The following SCARB2 variants were observed in gnomAD, a reference collection of about 807,000 sequenced individuals.
SCARB2 encodes lysosome membrane protein 2.
A neutral mutation model predicts 58.6 loss-of-function variants in SCARB2; 29 were observed. The ratio of observed to expected loss-of-function variants is 0.49; its 90% confidence interval spans 0.37 to 0.67. The LOEUF (loss-of-function observed/expected upper bound fraction) is 0.67. Ranked by LOEUF, SCARB2 falls within the 30% of genes least tolerant of loss-of-function variation. The pLI is 0.00. For synonymous variants in SCARB2, 195 were observed against 210.1 expected (o/e 0.93, Z 0.62); for missense variants, 488 against 578.5 (o/e 0.84, Z 1.60).
chr4:76,188,259 C>CAA (rs1299971024), intron 2 of SCARB2, among the ~76,000 whole-genome samples: 1 of 152,146 alleles, frequency 6.6e-6, no homozygotes, highest in East Asian at 1.9e-4. Flanking sequence ...TGTCCCTGAG[C>CAA]AAAAGGATCA....
intron 1 of SCARB2, among the ~76,000 whole-genome samples, chr4:76,197,334 C>T (rs991851919): frequency 1.3e-5 from 2 of 152,174 alleles, no homozygotes; most frequent in African/African-American, 4.8e-5. Context: ...GGAGCTAAGG[C>T]CTTAAGATGC....
intron 1 of SCARB2, among the ~76,000 whole-genome samples, chr4:76,199,857 C>G (rs1262253880): frequency 2.0e-5 from 3 of 152,190 alleles, no homozygotes; most frequent in African/African-American, 7.2e-5. Flanking sequence ...CCCCAGTATG[C>G]TAATGGGTCC....
At chr4:76,225,575 T>C (rs1293227758) in intron 1 of SCARB2, among the ~76,000 whole-genome samples, 3 of 152,358 alleles carry the variant, frequency 2.0e-5, no homozygotes, top group Middle Eastern at 3.4e-3. Context: ...ATTTCGATTT[T>C]ACCAGGGGTT....
At chr4:76,163,687 A>G (rs1731945688) in intron 10 of SCARB2, 2 of 412,010 alleles carry the variant, frequency 4.9e-6, no homozygotes, top group Middle Eastern at 7.3e-4. Flanking sequence ...ATTCATCCTT[A>G]AAAATCCAGC....
intron 2 of SCARB2, chr4:76,193,365 C>A (rs76691529): frequency 1.4e-4 from 22 of 152,390 alleles, no homozygotes; most frequent in African/African-American, 4.8e-4. Flanking sequence ...AGGGGAAATG[C>A]GGAGCTGAAG....
At chr4:76,164,830 T>A (rs1464585454) in intron 10 of SCARB2, 1 of 151,948 alleles carries the variant, frequency 6.6e-6, no homozygotes, top group South Asian at 2.1e-4. Flanking sequence ...TTTTTTTTCA[T>A]TGGACCGAGT....
In SCARB2 at chr4:76,174,324, G is replaced by GT; in HGVS notation, c.825-12dup. On this transcript the variant is annotated splice_polypyrimidine_tract_variant and intron_variant, in intron 6 of 11. Transcript: ENST00000264896. Reference sequence around the variant, plus strand: ...GTAATATACACTGACCTGTTAGGATGTAAGAATAAAAAGTGAATGTGGACT... The same window carrying GT: ...GTAATATACACTGACCTGTTAGGATGTTAAGAATAAAAAGTGAATGTGGACT... 2.5e-6 allele frequency: 4 copies of GT among 1,613,654 alleles called. No homozygotes were observed. The highest frequency in any genetic ancestry group is 3.4e-6 in the Non-Finnish European group (4 of 1,179,608).
At chr4:76,177,297 A>G (rs1441963479) in intron 4 of SCARB2, among the ~76,000 whole-genome samples, 1 of 152,076 alleles carries the variant, frequency 6.6e-6, no homozygotes, top group Non-Finnish European at 1.5e-5. Context: ...TGCAAATCAA[A>G]ACCACAATGA....
chr4:76,172,202 A>G (rs909348297), intron 7 of SCARB2, among the ~76,000 whole-genome samples: 19 of 140,882 alleles, frequency 1.3e-4, no homozygotes, highest in Admixed American at 9.6e-4. Flanking sequence ...TGTCAGTTGT[A>G]TATATATATG....
rs1731899066 is a variant in SCARB2 at position 76,161,597 on chromosome 4, G to GT, written c.*115dup. 2.8e-6 allele frequency: 3 copies of GT among 1,079,400 alleles called. No individual in the cohort carries two copies. The highest frequency in any genetic ancestry group is 2.9e-6 in the Non-Finnish European group (2 of 695,014). The allele number at this position is 1,079,400 out of a possible 1,614,324, so 66.9% of individuals were successfully genotyped here. A position where few individuals can be genotyped will look rare whatever the true frequency, so the allele number is the denominator to read the frequency against. ...AATGTTCCTATCACTTGCCAGCGCC[G>GT]TGTCTTTTTCCTTCTTTCAACAGGC... On this transcript the variant is annotated 3_prime_UTR_variant, in exon 12 of 12. Coordinates refer to ENST00000264896, the MANE Select transcript of SCARB2 (RefSeq NM_005506.4).
chr4:76,181,104 AAAAG>A lies in SCARB2; in HGVS notation c.276-7_276-4del, dbSNP rs776289069. 8 of 1,612,962 alleles carry A rather than the reference AAAAG, an allele frequency of 5.0e-6. No homozygotes were observed. The highest frequency in any genetic ancestry group is 2.7e-5 in the African/African-American group (2 of 74,908). On this transcript the variant is annotated splice_polypyrimidine_tract_variant and splice_region_variant and intron_variant, in intron 2 of 11. Coordinates refer to ENST00000264896, the MANE Select transcript of SCARB2 (RefSeq NM_005506.4). The stretch of plus-strand genomic sequence containing the variant: ...TATTTGCTTTGTTTCTGAGTTCCCT[AAAAG>A]AAAGAAAAGGGTTTTATTTGAAAAT...
intron 1 of SCARB2, among the ~76,000 whole-genome samples, chr4:76,219,506 C>T (rs1733270534): frequency 6.6e-6 from 1 of 152,078 alleles, no homozygotes; most frequent in South Asian, 2.1e-4. Context: ...GTTGTGAAAT[C>T]AGGGCTAAAT....
chr4:76,198,410 G>A (rs1578734777), intron 1 of SCARB2, among the ~76,000 whole-genome samples: 2 of 152,240 alleles, frequency 1.3e-5, no homozygotes, highest in Admixed American at 6.5e-5. Flanking sequence ...CCAGAAAGAA[G>A]GGTAAACCTG....
At chr4:76,216,471 T>C (rs769979877), upstream of SCARB2, among the ~76,000 whole-genome samples, 2 of 152,158 alleles carry the variant, frequency 1.3e-5, no homozygotes, top group African/African-American at 2.4e-5. Flanking sequence ...TACCCACTCC[T>C]CCCATCCCTG....
At chr4:76,209,391 C>T (rs1389560105) in intron 1 of SCARB2, among the ~76,000 whole-genome samples, 1 of 151,886 alleles carries the variant, frequency 6.6e-6, no homozygotes, top group Non-Finnish European at 1.5e-5. Context: ...TTTTTTGAGA[C>T]AGAGTCTTGC....
chr4:76,204,239 T>C (rs1006710986), intron 1 of SCARB2, among the ~76,000 whole-genome samples: 1 of 152,236 alleles, frequency 6.6e-6, no homozygotes. Context: ...TAATTTCCAC[T>C]GTTTACATAA....
intron 1 of SCARB2, among the ~76,000 whole-genome samples, chr4:76,218,885 A>G (rs1251900187): frequency 6.6e-6 from 1 of 152,216 alleles, no homozygotes; most frequent in Non-Finnish European, 1.5e-5. Context: ...TAGTACTTGT[A>G]CAAGCACTAT....
intron 1 of SCARB2, among the ~76,000 whole-genome samples, chr4:76,208,532 G>A (rs1437131841): frequency 2.6e-5 from 4 of 152,180 alleles, no homozygotes; most frequent in East Asian, 1.9e-4. Context: ...ACACTGAGGC[G>A]GGGCTGAGCA....
Position 76,181,591 on chromosome 4 carries a change from G to A in SCARB2, c.276-490C>T, listed in dbSNP as rs569000132. On this transcript the variant is annotated intron_variant, in intron 2 of 11. Transcript: ENST00000264896. ...CTCCTGTTTCTTTTTTTGAGATAGG[G>A]TCTCGCTCTGTTGCCCAGGCTGGAG... is the stretch of plus-strand genomic sequence containing the variant. Among the ~76,000 whole-genome samples the A allele has an allele frequency of 3.0e-3, 458 of 152,206 alleles. 1 individual carries two copies. The highest frequency in any genetic ancestry group is 5.4e-3 in the Non-Finnish European group (366 of 68,006).
Sources: gnomAD v4.1 joint callset for allele counts (sites outside exome capture counted in the v4.1 genomes callset) on GRCh38, gnomAD v4.1.1 for gene constraint, MANE v1.5 for transcripts, NCBI Gene and HGNC (gene_info 2026-07-23, HGNC 2026-07-21) for gene names.